CFAP276: variants seen among roughly 807,000 people sequenced by gnomAD.
The protein encoded by CFAP276 is cilia and flagella associated protein 276, also known as cilia- and flagella-associated protein 276.
At chr1:109,107,133 C>G in the CFAP276 span, 1 of 1,608,798 alleles carries the variant, frequency 6.2e-7, no homozygotes, top group South Asian at 1.1e-5. Flanking sequence ...CTACAGAAGT[C>G]AGTCCCCCCC....
chr1:109,113,514 G>A, the CFAP276 span: 1 of 949,486 alleles, frequency 1.1e-6, no homozygotes. Context: ...CAAACTCCTC[G>A]CTTAAACTCG....
At chr1:109,110,285 T>C in the CFAP276 span, among the ~76,000 whole-genome samples, 48 of 152,286 alleles carry the variant, frequency 3.2e-4, no homozygotes, top group South Asian at 3.1e-3. Context: ...CCAGACCTTT[T>C]CAGGAGTCAA....
the CFAP276 span, chr1:109,106,578 GA>G: frequency 1.9e-6 from 3 of 1,614,068 alleles, no homozygotes; most frequent in Non-Finnish European, 2.5e-6. Flanking sequence ...TTTTAGGGTT[GA>G]TCCAGTGTCT....
the CFAP276 span, among the ~76,000 whole-genome samples, chr1:109,109,915 G>A: frequency 5.0e-4 from 76 of 152,244 alleles, 1 homozygote; most frequent in East Asian, 0.014. Context: ...AAGAAAGAAA[G>A]CTACAGGTAT....
chr1:109,108,381 G>T, the CFAP276 span, among the ~76,000 whole-genome samples: 1 of 152,152 alleles, frequency 6.6e-6, no homozygotes, highest in Non-Finnish European at 1.5e-5. Flanking sequence ...GGCCTCAAGT[G>T]ATACACCTGT....
the CFAP276 span, chr1:109,112,746 A>G: frequency 2.0e-6 from 3 of 1,536,290 alleles, no homozygotes; most frequent in South Asian, 2.4e-5. Context: ...CCTCACTGGC[A>G]TAAGATCCCG....
chr1:109,113,451 A>AGAGAGAGAGAGAGAGAGGGAGT, the CFAP276 span, among the ~76,000 whole-genome samples: 41 of 120,398 alleles, frequency 3.4e-4, 1 homozygote, highest in East Asian at 3.1e-3. Context: ...AGAGAGAGAG[A>AGAGAGAGAGAGAGAGAGGGAGT]GAGAGAGAGA....
chr1:109,112,827 C>T, the CFAP276 span: 23 of 1,327,734 alleles, frequency 1.7e-5, no homozygotes, highest in Admixed American at 2.7e-4. Context: ...AGAGGAATTC[C>T]CTCAGAGGAG....
the CFAP276 span, chr1:109,107,992 G>C: frequency 6.2e-7 from 1 of 1,613,928 alleles, no homozygotes; most frequent in Admixed American, 1.7e-5. Flanking sequence ...CGACTCCAGG[G>C]TTCCTGCTGC....
the CFAP276 span, among the ~76,000 whole-genome samples, chr1:109,111,035 G>T: frequency 6.6e-6 from 1 of 152,154 alleles, no homozygotes; most frequent in African/African-American, 2.4e-5. Flanking sequence ...CACTGCTGTA[G>T]ATCTGTTACT....
chr1:109,108,068 C>G, the CFAP276 span: 2 of 1,455,156 alleles, frequency 1.4e-6, no homozygotes, highest in Non-Finnish European at 1.9e-6. Flanking sequence ...CCAGGACAAC[C>G]TGGTTATACG....
the CFAP276 span, chr1:109,112,568 T>A: frequency 6.5e-7 from 1 of 1,549,836 alleles, no homozygotes; most frequent in Non-Finnish European, 8.7e-7. Context: ...CCGGCGACCC[T>A]ACTGGGAATC....
At chr1:109,106,902 A>G in the CFAP276 span, 2 of 956,258 alleles carry the variant, frequency 2.1e-6, no homozygotes, top group Non-Finnish European at 3.2e-6. Context: ...AGAAATTTGT[A>G]TACAAATGAG....
chr1:109,107,364 T>C, the CFAP276 span, among the ~76,000 whole-genome samples: 1 of 152,234 alleles, frequency 6.6e-6, no homozygotes, highest in Admixed American at 6.5e-5. Flanking sequence ...GTTCCTGATG[T>C]GGGCTTAATG....
At chr1:109,113,620 AG>A in the CFAP276 span, 1 of 1,613,632 alleles carries the variant, frequency 6.2e-7, no homozygotes, top group Non-Finnish European at 8.5e-7. Context: ...CCTTCGTAGG[AG>A]GGAACACGTA....
the CFAP276 span, chr1:109,112,655 G>T: frequency 1.3e-6 from 2 of 1,550,550 alleles, no homozygotes; most frequent in Non-Finnish European, 1.7e-6. Context: ...GTAGGCTGCT[G>T]GAAAGGGTCC....
At chr1:109,108,840 A>G in the CFAP276 span, among the ~76,000 whole-genome samples, 25 of 152,092 alleles carry the variant, frequency 1.6e-4, no homozygotes, top group Non-Finnish European at 8.8e-5. Flanking sequence ...GGGAGTGAGG[A>G]GGGCCCTAGA....
chr1:109,106,598 C>G, the CFAP276 span: 3 of 1,613,934 alleles, frequency 1.9e-6, no homozygotes, highest in Non-Finnish European at 1.7e-6. Context: ...CTGATGTTAG[C>G]CAGGAAAGTG....
At chr1:109,106,539 G>A in the CFAP276 span, 1 of 1,613,832 alleles carries the variant, frequency 6.2e-7, no homozygotes, top group Non-Finnish European at 8.5e-7. Context: ...CCTTACCTAT[G>A]GATCCTTGGA....
Sources: gnomAD v4.1 joint callset for allele counts (sites outside exome capture counted in the v4.1 genomes callset) on GRCh38, gnomAD v4.1.1 for gene constraint, MANE v1.5 for transcripts, NCBI Gene and HGNC (gene_info 2026-07-23, HGNC 2026-07-21) for gene names.